The following SLC25A47 variants were observed in gnomAD, a reference collection of about 807,000 sequenced individuals.
SLC25A47 encodes the protein HCC-down-regulated mitochondrial carrier protein.
A neutral mutation model predicts 29.8 loss-of-function variants in SLC25A47; 30 were observed. That is an observed-to-expected ratio of 1.01 (90% CI 0.75 to 1.36). The LOEUF (loss-of-function observed/expected upper bound fraction) is 1.36, where lower values mean the gene tolerates loss of function less well. SLC25A47 is among the 40% of genes most tolerant of loss of function. The pLI is 0.00. For missense variants in SLC25A47, 430 were observed against 441.9 expected (o/e 0.97, Z 0.24); for synonymous variants, 204 against 197.8 (o/e 1.03, Z -0.26).
Position 100,326,172 on chromosome 14 carries a change from G to C in SLC25A47, c.88G>C (p.Glu30Gln). 1 of 1,613,754 alleles carries C rather than the reference G, an allele frequency of 6.2e-7. No homozygotes were observed. Among genetic ancestry groups the C allele is most frequent in the Non-Finnish European group, 8.5e-7 (1 of 1,179,946 alleles). Residue 30 changes from glutamate to glutamine, a missense_variant, in exon 3 of 6, where the codon GAG (glutamate) becomes CAG (glutamine). Coordinates refer to ENST00000361529, the MANE Select transcript of SLC25A47 (RefSeq NM_207117.4). Reference protein sequence around the residue: ...LDTVKVRIQTEPKYTGIWHCV... With the variant: ...LDTVKVRIQTQPKYTGIWHCV... Reference sequence around the variant, plus strand: ...TCTCCTGCAGGTCAGGATCCAGACGGAGCCAAAGTACACAGGCATCTGGCA... The same window carrying C: ...TCTCCTGCAGGTCAGGATCCAGACGCAGCCAAAGTACACAGGCATCTGGCA...
chr14:100,327,309 C>A lies in SLC25A47; in HGVS notation c.266C>A (p.Pro89His). Residue 89 changes from proline to histidine, a missense_variant, in exon 4 of 6, where the codon CCT becomes CAT. Pro to His is a moderately conservative substitution (Grantham distance 77). Coordinates refer to ENST00000361529, the MANE Select transcript of SLC25A47 (RefSeq NM_207117.4). ...AHICRLRYGN[P>H]DAKPTKADIT... ...ATCTGCCGGCTCCGGTACGGCAACCCTGACGCCAAGCCCACCAAGGCCGAC... is the reference window on the plus strand; with the variant it reads ...ATCTGCCGGCTCCGGTACGGCAACCATGACGCCAAGCCCACCAAGGCCGAC... 1 of 1,603,854 alleles carries A rather than the reference C, an allele frequency of 6.2e-7. No homozygotes were observed. The highest frequency in any genetic ancestry group is 1.1e-5 in the South Asian group (1 of 91,074).
chr14:100,324,985 T>G (rs1893311037), intron 1 of SLC25A47, among the ~76,000 whole-genome samples: 1 of 152,170 alleles, frequency 6.6e-6, no homozygotes, highest in South Asian at 2.1e-4. Context: ...TGCCTTACAT[T>G]TATTCACTTC....
At position 100,327,221 on chromosome 14, in the gene SLC25A47, G is replaced by T. The variant is rs377111566; in HGVS notation, c.178G>T (p.Val60Leu). The T allele has an allele frequency of 6.2e-6, 10 of 1,609,348 alleles. 1 individual carries two copies. In the South Asian group the frequency reaches 8.8e-5, roughly 14 times the overall value. ...CTTCTACCGGGGCCTCTCGCTGCCC[G>T]TGTGCACGGTGTCCCTGGTATCTTC... ...WGFYRGLSLPVCTVSLVSSVS... is the reference protein window; with the variant it reads ...WGFYRGLSLPLCTVSLVSSVS... Residue 60 changes from valine to leucine, a missense_variant, in exon 4 of 6, where the codon GTG becomes TTG. Transcript: ENST00000361529.
intron 1 of SLC25A47, 111 bp downstream of exon 1, chr14:100,323,553 A>C: frequency 7.8e-7 from 1 of 1,287,124 alleles, no homozygotes; most frequent in Non-Finnish European, 1.1e-6. Context: ...GGAGCCCCTC[A>C]CCCCCCAGGA....
At chr14:100,325,092 C>G (rs774772430) in intron 1 of SLC25A47, among the ~76,000 whole-genome samples, 1 of 152,188 alleles carries the variant, frequency 6.6e-6, no homozygotes, top group East Asian at 1.9e-4. Flanking sequence ...TACCACCTCC[C>G]CTCAGGGGAG....
intron 4 of SLC25A47, among the ~76,000 whole-genome samples, chr14:100,327,993 T>G (rs1313660467): frequency 6.6e-6 from 1 of 152,182 alleles, no homozygotes; most frequent in Non-Finnish European, 1.5e-5. Context: ...CTTCTGTCTC[T>G]CCATCTGTAA....
At position 100,324,803 on chromosome 14, in the gene SLC25A47, T is replaced by G. The variant is rs1363849788; in HGVS notation, c.29-985T>G. ...CAGCAAGGCCATATGACAAGGGCTCTGCTCAACATGTTCCAGGCACAGAGG... is the reference window on the plus strand; with the variant it reads ...CAGCAAGGCCATATGACAAGGGCTCGGCTCAACATGTTCCAGGCACAGAGG... On this transcript the variant is annotated intron_variant, in intron 1 of 5. Transcript: ENST00000361529. Among the ~76,000 whole-genome samples, 3 of 152,174 alleles carry G rather than the reference T, an allele frequency of 2.0e-5. No homozygotes were observed. The South Asian group carries it at 6.2e-4, about 31-fold the overall frequency.
chr14:100,324,828 G>A (rs1253947811), intron 1 of SLC25A47, among the ~76,000 whole-genome samples: 1 of 152,216 alleles, frequency 6.6e-6, no homozygotes, highest in Non-Finnish European at 1.5e-5. Flanking sequence ...AGGCACAGAG[G>A]CAGCCCAGAG....
Position 100,325,923 on chromosome 14 carries a change from C to G in SLC25A47, c.72+92C>G, listed in dbSNP as rs370414347. 2.1e-4 allele frequency: 287 copies of G among 1,395,714 alleles called. 2 individuals are homozygous for G. In the African/African-American group the frequency reaches 3.8e-3, roughly 19 times the overall value. The allele number at this position is 1,395,714 out of a possible 1,614,324, so 86.5% of individuals were successfully genotyped here. A position where few individuals can be genotyped will look rare whatever the true frequency, so the allele number is the denominator to read the frequency against. On this transcript the variant is annotated intron_variant, in intron 2 of 5. Transcript: ENST00000361529. ...TCTAGAATGCTAAACAGACCCACCC[C>G]TTTCCTACCCAAATGCCTTCAATGG...
At position 100,325,800 on chromosome 14, in the gene SLC25A47, T is replaced by TTGC; in HGVS notation, c.44_46dup (p.Ala15dup). The TTGC allele has an allele frequency of 6.2e-7, 1 of 1,612,978 alleles. No individual in the cohort carries two copies. The highest frequency in any genetic ancestry group is 8.5e-7 in the Non-Finnish European group (1 of 1,179,468). On this transcript the variant is annotated inframe_insertion, in exon 2 of 6. Transcript: ENST00000361529. ...TCTTTCCTTGCAGGCGTCTGCGGTG[T>TTGC]TGCTGTGGGCTACCCCCTGGACACG...
intron 3 of SLC25A47, 135 bp from the exon 4 acceptor site, chr14:100,327,053 A>G: frequency 1.2e-6 from 1 of 821,290 alleles, no homozygotes; most frequent in South Asian, 1.8e-5. Context: ...ACAGCAGAGG[A>G]AACTGAGGCC....
intron 1 of SLC25A47, among the ~76,000 whole-genome samples, chr14:100,325,209 G>C (rs1342218744): frequency 6.6e-6 from 1 of 152,188 alleles, no homozygotes; most frequent in Non-Finnish European, 1.5e-5. Flanking sequence ...GCAAGGTGTG[G>C]ACTCCCGGCC....
At chr14:100,328,049 G>A (rs574109862) in intron 4 of SLC25A47, among the ~76,000 whole-genome samples, 1 of 152,122 alleles carries the variant, frequency 6.6e-6, no homozygotes, top group Admixed American at 6.5e-5. Context: ...AAAGCCCCCA[G>A]CACACATATG....
In SLC25A47 at chr14:100,329,730, T is replaced by C. The variant is rs972725550; in HGVS notation, c.*85T>C. 5.3e-6 allele frequency: 8 copies of C among 1,510,160 alleles called. No homozygotes were observed. The African/African-American group carries it at 9.6e-5, about 18-fold the overall frequency. The allele number at this position is 1,510,160 out of a possible 1,614,324, so 93.5% of individuals were successfully genotyped here. On this transcript the variant is annotated 3_prime_UTR_variant, in exon 6 of 6. Transcript: ENST00000361529. ...GGAGGCAAGGGGTAGTGTGGCTGGGTTCGGGACCCCACAGGGCCATTGCCC... is the reference window on the plus strand; with the variant it reads ...GGAGGCAAGGGGTAGTGTGGCTGGGCTCGGGACCCCACAGGGCCATTGCCC...
At chr14:100,326,835 G>A (rs919253001) in intron 3 of SLC25A47, among the ~76,000 whole-genome samples, 3 of 152,176 alleles carry the variant, frequency 2.0e-5, no homozygotes, top group Admixed American at 6.5e-5. Context: ...TTAGCTGGAG[G>A]TGGTGGCAGG....
At chr14:100,326,658 A>T (rs1893344574) in intron 3 of SLC25A47, among the ~76,000 whole-genome samples, 1 of 152,192 alleles carries the variant, frequency 6.6e-6, no homozygotes, top group Admixed American at 6.5e-5. Context: ...TGAAAGCAGC[A>T]GTGGCAGAAC....
Position 100,329,749 on chromosome 14 carries a change from A to G in SLC25A47, c.*104A>G, listed in dbSNP as rs1037212303. On this transcript the variant is annotated 3_prime_UTR_variant, in exon 6 of 6. Coordinates refer to ENST00000361529, the MANE Select transcript of SLC25A47 (RefSeq NM_207117.4). The stretch of plus-strand genomic sequence containing the variant: ...GCTGGGTTCGGGACCCCACAGGGCC[A>G]TTGCCCAGGAGAATGAGGAGCCTCC... 9.8e-6 allele frequency: 14 copies of G among 1,425,966 alleles called. No individual in the cohort carries two copies. Among genetic ancestry groups the G allele is most frequent in the Non-Finnish European group, 1.1e-5 (12 of 1,059,128 alleles). 88.3% of individuals were successfully genotyped at this position (1,425,966 alleles called of 1,614,324 possible).
intron 4 of SLC25A47, 112 bp downstream of exon 4, chr14:100,327,482 G>A (rs1566824791): frequency 2.5e-6 from 3 of 1,209,366 alleles, no homozygotes; most frequent in Non-Finnish European, 3.4e-6. Context: ...GACACTGGAG[G>A]CCATGCATGG....
intron 4 of SLC25A47, among the ~76,000 whole-genome samples, chr14:100,328,286 A>G (rs1261800050): frequency 6.6e-6 from 1 of 151,790 alleles, no homozygotes; most frequent in East Asian, 1.9e-4. Flanking sequence ...TAATTTTTGT[A>G]TTTTTAGTAG....
Sources: gnomAD v4.1 joint callset for allele counts (sites outside exome capture counted in the v4.1 genomes callset) on GRCh38, gnomAD v4.1.1 for gene constraint, MANE v1.5 for transcripts, NCBI Gene and HGNC (gene_info 2026-07-23, HGNC 2026-07-21) for gene names.